PGAP2: variants seen among roughly 807,000 people sequenced by gnomAD.
The protein encoded by PGAP2 is acyltransferase PGAP2.
A neutral mutation model predicts 33.2 loss-of-function variants in PGAP2; 21 were observed. That is an observed-to-expected ratio of 0.63 (90% CI 0.45 to 0.91). PGAP2 has a LOEUF of 0.91. Ranked by LOEUF, PGAP2 falls within the 40% of genes least tolerant of loss-of-function variation. The pLI, the probability that PGAP2 is intolerant of heterozygous loss-of-function variation, is 0.00. For missense variants in PGAP2, 345 were observed against 424.0 expected (o/e 0.81, Z 1.64); for synonymous variants, 161 against 172.9 (o/e 0.93, Z 0.54).
At chr11:3,804,927 C>T (rs902357174), upstream of PGAP2, among the ~76,000 whole-genome samples, 22 of 152,222 alleles carry the variant, frequency 1.4e-4, 1 homozygote, top group African/African-American at 4.3e-4. Context: ...GTCTCGAACT[C>T]GTGACCTCAG....
Position 3,823,975 on chromosome 11 carries a change from G to T in PGAP2, c.441G>T (p.Ala147=). ...GTTTCTGCATCGGCCTGCACTCGGC[G>T]CCTCGCTTCTTGGTGGCCTTCGCCT... The part of the protein sequence containing the change: ...VWRFCIGLHS[A]PRFLVAFAYW... The change falls in exon 4 of 7, where the codon GCG becomes GCT. Residue 147 remains alanine (A), a synonymous_variant. Transcript: ENST00000278243. 6.2e-7 allele frequency: 1 copy of T among 1,612,490 alleles called. No individual in the cohort carries two copies.
chr11:3,797,752 G>A (rs932030773), upstream of PGAP2: 39 of 1,449,156 alleles, frequency 2.7e-5, no homozygotes, highest in Non-Finnish European at 3.5e-5. Context: ...GGGTAGGAGC[G>A]GTGAGAGGGC....
At chr11:3,823,773 A>G (rs771545410) in intron 3 of PGAP2, 110 bp from the exon 4 acceptor site, 1 of 1,598,970 alleles carries the variant, frequency 6.3e-7, no homozygotes, top group Non-Finnish European at 8.5e-7. Flanking sequence ...ACTTCTTGGA[A>G]GGGGAGGGGC....
chr11:3,824,231 A>G, intron 4 of PGAP2, 39 bp from the exon 5 acceptor site: 1 of 1,612,970 alleles, frequency 6.2e-7, no homozygotes, highest in Non-Finnish European at 8.5e-7. Context: ...TGGTGTGGGC[A>G]CTCCCTGCAA....
intron 3 of PGAP2, chr11:3,822,859 C>G (rs980821943): frequency 9.6e-7 from 1 of 1,045,800 alleles, no homozygotes; most frequent in Non-Finnish European, 1.4e-6. Flanking sequence ...CTCAAACAAG[C>G]AAGACACCAG....
chr11:3,814,766 TTC>T (rs1337380476), intron 2 of PGAP2, among the ~76,000 whole-genome samples: 3 of 98,240 alleles, frequency 3.1e-5, no homozygotes, highest in East Asian at 3.0e-4. Flanking sequence ...CTTTCTTTCT[TTC>T]TTTCTTTCTT....
chr11:3,824,694 C>A, intron 5 of PGAP2: 1 of 886,906 alleles, frequency 1.1e-6, no homozygotes, highest in Non-Finnish European at 1.7e-6. Flanking sequence ...TGTCATAATT[C>A]CAGCGCCCCA....
rs1394956162 is a variant in PGAP2 at position 3,817,539 on chromosome 11, A to T, written c.348+4A>T. 6.2e-7 allele frequency: 1 copy of T among 1,613,010 alleles called. No homozygotes were observed. Among genetic ancestry groups the T allele is most frequent in the Non-Finnish European group, 8.5e-7 (1 of 1,179,180 alleles). ...CACGGTGGCCACTGACTGTGGGGTGAGTGCCAGCTCCCCAGCCCCTGGGTC... is the reference window on the plus strand; with the variant it reads ...CACGGTGGCCACTGACTGTGGGGTGTGTGCCAGCTCCCCAGCCCCTGGGTC... On this transcript the variant is annotated splice_donor_region_variant and intron_variant, in intron 3 of 6. Transcript: ENST00000278243.
rs1020731958 is a variant in PGAP2, at chr11:3,825,726, A to G, written c.*268A>G. ...AGAGAGCTCCACCATTTGGTGCTAA[A>G]AAAAAAAACGTCCTGAGGTTCATGA... is the stretch of plus-strand genomic sequence containing the variant. On this transcript the variant is annotated 3_prime_UTR_variant, in exon 7 of 7. Transcript: ENST00000278243. 1.3e-5 allele frequency: 4 copies of G among 306,048 alleles called. No individual in the cohort carries two copies. The Admixed American group carries it at 1.4e-4, about 11-fold the overall frequency. 19.0% of individuals were successfully genotyped at this position (306,048 alleles called of 1,614,324 possible). A position where few individuals can be genotyped will look rare whatever the true frequency, so the allele number is the denominator to read the frequency against.
rs758612765 is a variant in PGAP2, at chr11:3,825,625, C to T, written c.*167C>T. 20 of 449,068 alleles carry T rather than the reference C, an allele frequency of 4.5e-5. No individual in the cohort carries two copies. The Admixed American group carries it at 6.7e-4, about 15-fold the overall frequency. 27.8% of individuals were successfully genotyped at this position (449,068 alleles called of 1,614,324 possible). On this transcript the variant is annotated 3_prime_UTR_variant, in exon 7 of 7. Transcript: ENST00000278243. ...GCTCACCCCAGTGCTGCTGGCTTCT[C>T]CTCTCCACCCCTCATATGGGCGTGG...
intron 2 of PGAP2, among the ~76,000 whole-genome samples, chr11:3,812,455 C>T (rs1360301828): frequency 6.6e-6 from 1 of 152,146 alleles, no homozygotes; most frequent in Non-Finnish European, 1.5e-5. Context: ...GTTGATAATT[C>T]CTGTCCTGCT....
At chr11:3,820,697 C>A (rs1021452387) in intron 3 of PGAP2, among the ~76,000 whole-genome samples, 6 of 152,004 alleles carry the variant, frequency 3.9e-5, no homozygotes, top group African/African-American at 1.4e-4. Flanking sequence ...TGTGGTGGCA[C>A]CTCTAGTCCC....
At chr11:3,806,977 TGG>T (rs2084469785), upstream of PGAP2, among the ~76,000 whole-genome samples, 2 of 149,196 alleles carry the variant, frequency 1.3e-5, no homozygotes, top group African/African-American at 5.0e-5. Context: ...GCCGAGATCG[TGG>T]CACTGCACTC....
intron 2 of PGAP2, among the ~76,000 whole-genome samples, chr11:3,815,890 C>T (rs1486356923): frequency 1.3e-5 from 2 of 152,156 alleles, no homozygotes; most frequent in African/African-American, 4.8e-5. Flanking sequence ...CCAACAAGCC[C>T]TCTCAGTCCT....
intron 1 of PGAP2, among the ~76,000 whole-genome samples, chr11:3,802,817 G>T (rs2083642036): frequency 8.0e-6 from 1 of 124,880 alleles, no homozygotes; most frequent in Admixed American, 9.0e-5. Flanking sequence ...TTTGTATTTT[G>T]TTTTGTTTCT....
Position 3,824,124 on chromosome 11 carries a change from C to T in PGAP2, c.590C>T (p.Ser197Phe). The T allele has an allele frequency of 6.2e-6, 10 of 1,614,068 alleles. No individual in the cohort carries two copies. Among genetic ancestry groups the T allele is most frequent in the Non-Finnish European group, 8.5e-6 (10 of 1,179,960 alleles). ...CTAGTGCTCACTTATGTCTCCTCCT[C>T]CGAGGACTTCAGTGGGTGCCTGGAT... Reference protein sequence around the residue: ...ALLVLTYVSSSEDFTIHENAF... With the variant: ...ALLVLTYVSSFEDFTIHENAF... The change falls in exon 4 of 7, where the codon TCC becomes TTC. Residue 197 changes from serine to phenylalanine, a missense_variant. Coordinates refer to ENST00000278243, the MANE Select transcript of PGAP2 (RefSeq NM_014489.4).
chr11:3,806,000 A>T (rs2084269483), upstream of PGAP2, among the ~76,000 whole-genome samples: 1 of 150,706 alleles, frequency 6.6e-6, no homozygotes, highest in Non-Finnish European at 1.5e-5. Context: ...CTTGTTTTAA[A>T]TAAATAAATA....
intron 3 of PGAP2, 32 bp from the exon 4 acceptor site, chr11:3,823,851 G>A (rs762090740): frequency 6.3e-7 from 1 of 1,597,624 alleles, no homozygotes; most frequent in South Asian, 1.1e-5. Flanking sequence ...GGCTGGCAGA[G>A]GCAGATGCCC....
upstream of PGAP2, among the ~76,000 whole-genome samples, chr11:3,807,601 C>T (rs2084649894): frequency 6.6e-6 from 1 of 152,038 alleles, no homozygotes; most frequent in South Asian, 2.1e-4. Flanking sequence ...AGCTACCGCG[C>T]CTGGCCCTCA....
Sources: gnomAD v4.1 joint callset for allele counts (sites outside exome capture counted in the v4.1 genomes callset) on GRCh38, gnomAD v4.1.1 for gene constraint, MANE v1.5 for transcripts, NCBI Gene and HGNC (gene_info 2026-07-23, HGNC 2026-07-21) for gene names.